Variants in ACTN1 observed in about 807,000 individuals in gnomAD.
The protein encoded by ACTN1 is alpha-actinin-1.
In ACTN1, 30 loss-of-function variants were observed where a neutral mutation model predicts 119.6. The observed-to-expected ratio is 0.25, with a 90% confidence interval of 0.19 to 0.34. ACTN1 has a LOEUF of 0.34. ACTN1 is among the 10% of genes least tolerant of loss of function. The pLI, the probability that ACTN1 is intolerant of heterozygous loss-of-function variation, is 1.00. For synonymous variants in ACTN1, 429 were observed against 472.6 expected, an observed-to-expected ratio of 0.91 and a Z score of 1.20; for missense variants, 764 against 1,223.4, an observed-to-expected ratio of 0.62 and a Z score of 5.60.
Position 68,953,713 on chromosome 14 carries a change from C to A in ACTN1, c.105+25239G>T, listed in dbSNP as rs535573556. On this transcript the variant is annotated intron_variant, in intron 1 of 21. Transcript: ENST00000394419. ...CCAATATGGTGAAACCCCATCTCTA[C>A]TAAAAATACAAAAAAAAAAAAAAAT... Among the ~76,000 whole-genome samples the A allele has an allele frequency of 4.0e-5, 6 of 149,942 alleles. No individual in the cohort carries two copies. The East Asian group carries it at 9.8e-4, about 24-fold the overall frequency.
chr14:68,965,647 C>T (rs1167529155), intron 1 of ACTN1, among the ~76,000 whole-genome samples: 2 of 152,222 alleles, frequency 1.3e-5, no homozygotes, highest in African/African-American at 2.4e-5. Context: ...TTCTCCCCTC[C>T]CCAGGCACCT....
chr14:68,881,939 T>TA (rs2031560530), intron 16 of ACTN1, among the ~76,000 whole-genome samples: 1 of 87,088 alleles, frequency 1.1e-5, no homozygotes, highest in Non-Finnish European at 2.0e-5. Context: ...GCAGCTTCTT[T>TA]TTTTTTTTTT....
At chr14:68,972,279 C>T (rs2036914439) in intron 1 of ACTN1, among the ~76,000 whole-genome samples, 1 of 152,134 alleles carries the variant, frequency 6.6e-6, no homozygotes. Flanking sequence ...CCGCCCTTAT[C>T]TTCCTCTTCT....
At chr14:68,901,218 T>G (rs1426932858) in intron 8 of ACTN1, among the ~76,000 whole-genome samples, 11 of 114,018 alleles carry the variant, frequency 9.6e-5, no homozygotes, top group South Asian at 2.4e-4. Flanking sequence ...TTTTTTTTTG[T>G]TTTTTTTTTG....
chr14:68,934,925 A>C (rs1426423910), intron 1 of ACTN1, among the ~76,000 whole-genome samples: 1 of 152,250 alleles, frequency 6.6e-6, no homozygotes, highest in Non-Finnish European at 1.5e-5. Context: ...AAAACAAAAC[A>C]CATCAAAATG....
At chr14:68,951,785 C>T (rs1417887386) in intron 1 of ACTN1, among the ~76,000 whole-genome samples, 1 of 152,178 alleles carries the variant, frequency 6.6e-6, no homozygotes, top group African/African-American at 2.4e-5. Flanking sequence ...GCTCTAAGTG[C>T]AGCACCAGTG....
At chr14:68,928,856 C>T (rs949109624) in intron 1 of ACTN1, among the ~76,000 whole-genome samples, 1 of 152,140 alleles carries the variant, frequency 6.6e-6, no homozygotes, top group South Asian at 2.1e-4. Flanking sequence ...CACCCCACCA[C>T]GCGCTGTACT....
intron 1 of ACTN1, among the ~76,000 whole-genome samples, chr14:68,951,255 C>T (rs1303801007): frequency 6.6e-6 from 1 of 152,198 alleles, no homozygotes; most frequent in East Asian, 1.9e-4. Flanking sequence ...CTCTTTTTCC[C>T]TTTCTAGGAA....
In ACTN1 at chr14:68,906,999, G is replaced by A. The variant is rs532526659; in HGVS notation, c.595-2263C>T. Among the ~76,000 whole-genome samples, 107 of 152,132 alleles carry A rather than the reference G, an allele frequency of 7.0e-4. 2 individuals are homozygous for A. The highest frequency in any genetic ancestry group is 6.2e-3 in the Admixed American group (95 of 15,272). Reference sequence around the variant, plus strand: ...TTAAAAAACAGAAGGGGGGCTGGGCGCGGTGGCTCATGCCTGTAATCCCAG... The same window carrying A: ...TTAAAAAACAGAAGGGGGGCTGGGCACGGTGGCTCATGCCTGTAATCCCAG... On this transcript the variant is annotated intron_variant, in intron 6 of 21. Coordinates refer to ENST00000394419, the MANE Select transcript of ACTN1 (RefSeq NM_001130004.2).
At chr14:68,889,970 G>A (rs1454096396) in intron 11 of ACTN1, among the ~76,000 whole-genome samples, 169 bp downstream of exon 11, 2 of 152,248 alleles carry the variant, frequency 1.3e-5, no homozygotes, top group African/African-American at 4.8e-5. Flanking sequence ...CTTTACAGAT[G>A]AGGAAGCTGA....
At chr14:68,955,806 C>T (rs966593909) in intron 1 of ACTN1, among the ~76,000 whole-genome samples, 2 of 152,176 alleles carry the variant, frequency 1.3e-5, no homozygotes, top group Admixed American at 6.5e-5. Context: ...ACCACGTGCT[C>T]CAAATCCAAA....
intron 1 of ACTN1, among the ~76,000 whole-genome samples, chr14:68,931,206 GAA>G (rs2035207279): frequency 6.6e-6 from 1 of 152,218 alleles, no homozygotes; most frequent in South Asian, 2.1e-4. Flanking sequence ...ACTGTGAAGT[GAA>G]AACACCAACC....
intron 21 of ACTN1, among the ~76,000 whole-genome samples, chr14:68,876,241 C>T (rs544956638): frequency 6.6e-6 from 1 of 152,296 alleles, no homozygotes; most frequent in South Asian, 2.1e-4. Context: ...GATCCATCCA[C>T]CTCAGCCTCC....
intron 14 of ACTN1, among the ~76,000 whole-genome samples, chr14:68,883,686 G>T (rs1309148015): frequency 6.6e-6 from 1 of 152,206 alleles, no homozygotes; most frequent in Non-Finnish European, 1.5e-5. Context: ...GCTGCAGCAG[G>T]AGGATCGCTT....
At chr14:68,955,051 C>T (rs1427332311) in intron 1 of ACTN1, among the ~76,000 whole-genome samples, 2 of 152,314 alleles carry the variant, frequency 1.3e-5, no homozygotes, top group African/African-American at 4.8e-5. Flanking sequence ...GCCTCCATGC[C>T]ACACTCAATT....
chr14:68,939,994 G>A (rs1305414481), intron 1 of ACTN1, among the ~76,000 whole-genome samples: 1 of 152,214 alleles, frequency 6.6e-6, no homozygotes, highest in African/African-American at 2.4e-5. Flanking sequence ...TGGTAAGCCT[G>A]CTGAGATGAG....
chr14:68,944,714 C>A (rs1013768614), intron 1 of ACTN1, among the ~76,000 whole-genome samples: 3 of 152,072 alleles, frequency 2.0e-5, no homozygotes, highest in East Asian at 1.9e-4. Context: ...GTCAGTGAAT[C>A]TATAAGGCTG....
chr14:68,979,125 G>T lies in ACTN1; in HGVS notation c.-69C>A. ...CTCTCTGAGCAACGGCTGCTGCCCT[G>T]GCGTGGGGAGGGAGTAGGGCTGGGC... On this transcript the variant is annotated 5_prime_UTR_variant, in exon 1 of 22. Transcript: ENST00000394419. 2 of 1,166,278 alleles carry T rather than the reference G, an allele frequency of 1.7e-6. No individual in the cohort carries two copies. The highest frequency in any genetic ancestry group is 1.3e-6 in the Non-Finnish European group (1 of 798,106). 72.2% of individuals were successfully genotyped at this position (1,166,278 alleles called of 1,614,324 possible). A position where few individuals can be genotyped will look rare whatever the true frequency, so the allele number is the denominator to read the frequency against.
Position 68,879,906 on chromosome 14 carries a change from G to C in ACTN1, c.2280+56C>G, listed in dbSNP as rs992589510. ...CACGTCCCGGGGAAGTGCCCTCCAG[G>C]GCCCTGGGGCAGGGGTTGGGGGCTG... On this transcript the variant is annotated intron_variant, in intron 18 of 21. Transcript: ENST00000394419. The surrounding 1 kb of genome is among the most constrained non-coding windows in gnomAD (Gnocchi z 4.9). 7 of 1,591,662 alleles carry C rather than the reference G, an allele frequency of 4.4e-6. No homozygotes were observed. In the African/African-American group the frequency reaches 6.7e-5, roughly 15 times the overall value.
Sources: allele counts gnomAD v4.1 joint callset (sites outside exome capture counted in the v4.1 genomes callset), GRCh38; gene constraint gnomAD v4.1.1; non-coding constraint Gnocchi (gnomAD v3.1); transcripts MANE v1.5; gene names NCBI Gene and HGNC (gene_info 2026-07-23, HGNC 2026-07-21).